The following TAF15 variants were observed in gnomAD, a reference collection of about 807,000 sequenced individuals.
The protein encoded by TAF15 is TATA-binding protein-associated factor 2N.
A neutral mutation model predicts 102.5 loss-of-function variants in TAF15; 37 were observed. The ratio of observed to expected loss-of-function variants is 0.36; its 90% CI spans 0.28 to 0.47. The LOEUF is 0.47. Ranked by LOEUF, TAF15 falls within the 20% of genes least tolerant of loss-of-function variation. The pLI, the probability that TAF15 is intolerant of heterozygous loss-of-function variation, is 0.99. For missense variants in TAF15, 652 were observed against 760.7 expected (o/e 0.86, Z 1.68); for synonymous variants, 273 against 259.2 (o/e 1.05, Z -0.51).
At chr17:35,836,374 T>C (rs1378906993) in intron 10 of TAF15, 133 bp downstream of exon 10, 19 of 653,860 alleles carry the variant, frequency 2.9e-5, no homozygotes. Flanking sequence ...CTCGTTTATG[T>C]CTGTAGACGT....
At chr17:35,815,908 G>C (rs1216786718) in intron 1 of TAF15, among the ~76,000 whole-genome samples, 1 of 152,100 alleles carries the variant, frequency 6.6e-6, no homozygotes, top group Non-Finnish European at 1.5e-5. Flanking sequence ...ATTTCAGCTA[G>C]TTTTATGCCC....
chr17:35,838,691 A>G, intron 11 of TAF15, 138 bp downstream of exon 11: 2 of 1,283,208 alleles, frequency 1.6e-6, no homozygotes, highest in South Asian at 2.5e-5. Flanking sequence ...CAGAATTTTT[A>G]TGTACCTTTA....
chr17:35,828,253 T>A (rs541880865), intron 7 of TAF15, among the ~76,000 whole-genome samples: 116 of 152,322 alleles, frequency 7.6e-4, no homozygotes, highest in Middle Eastern at 3.4e-3. Context: ...TAAAAATATG[T>A]ATACGTTCTG....
chr17:35,812,865 T>C (rs150143894), intron 1 of TAF15, among the ~76,000 whole-genome samples: 34 of 152,134 alleles, frequency 2.2e-4, no homozygotes, highest in Middle Eastern at 3.4e-3. Flanking sequence ...CGGTGGCTCA[T>C]GCCTGTAATC....
chr17:35,842,323 G>A (rs909853731), intron 11 of TAF15, 44 bp from the exon 12 acceptor site: 9 of 1,435,036 alleles, frequency 6.3e-6, no homozygotes, highest in Non-Finnish European at 8.8e-6. Flanking sequence ...GACAGGTGGA[G>A]GTATAGAGTA....
intron 1 of TAF15, among the ~76,000 whole-genome samples, chr17:35,815,602 C>T (rs1264245415): frequency 6.6e-6 from 1 of 152,194 alleles, no homozygotes; most frequent in East Asian, 1.9e-4. Flanking sequence ...AGAAAATATG[C>T]TGCGATTATG....
intron 1 of TAF15, 77 bp from the exon 2 acceptor site, chr17:35,817,639 T>C: frequency 7.7e-7 from 1 of 1,299,052 alleles, no homozygotes. Flanking sequence ...ACCACATTTC[T>C]TCTGTATGAG....
At chr17:35,815,989 T>C (rs1426331315) in intron 1 of TAF15, among the ~76,000 whole-genome samples, 1 of 152,106 alleles carries the variant, frequency 6.6e-6, no homozygotes, top group Non-Finnish European at 1.5e-5. Flanking sequence ...TGAGACAGGG[T>C]CTCATTCTGT....
In TAF15 at chr17:35,838,563, A is replaced by G; in HGVS notation, c.913+10A>G. The G allele has an allele frequency of 1.2e-6, 2 of 1,613,992 alleles. No individual in the cohort carries two copies. The highest frequency in any genetic ancestry group is 1.7e-6 in the Non-Finnish European group (2 of 1,180,030). ...ATTGACTGGTTTGATGGTATGCCTC[A>G]TTCGTATAGTTTTCAGCATGAAGTT... is the stretch of plus-strand genomic sequence containing the variant. On this transcript the variant is annotated intron_variant, in intron 11 of 15. Coordinates refer to ENST00000605844, the MANE Select transcript of TAF15 (RefSeq NM_139215.3).
Position 35,838,462 on chromosome 17 carries a change from T to C in TAF15, c.822T>C (p.Tyr274=), listed in dbSNP as rs2087502314. ...KKTGKPMINL[Y]TDKDTGKPKG... ...CCGGAAAACCAATGATAAATCTTTA[T>C]ACAGACAAGGACACAGGAAAGCCAA... is the stretch of plus-strand genomic sequence containing the variant. Residue 274 remains tyrosine (Y), a synonymous_variant, in exon 11 of 16, where the codon TAT becomes TAC. Transcript: ENST00000605844. 6.2e-7 allele frequency: 1 copy of C among 1,614,210 alleles called. No individual in the cohort carries two copies. The highest frequency in any genetic ancestry group is 8.5e-7 in the Non-Finnish European group (1 of 1,180,040).
At chr17:35,824,255 T>A in intron 7 of TAF15, 57 bp downstream of exon 7, 3 of 1,562,870 alleles carry the variant, frequency 1.9e-6, no homozygotes, top group Middle Eastern at 1.8e-4. Flanking sequence ...TTTTTTTTTT[T>A]AAGGTGTTAC....
intron 7 of TAF15, among the ~76,000 whole-genome samples, chr17:35,832,275 A>G (rs1429711170): frequency 6.6e-6 from 1 of 152,204 alleles, no homozygotes; most frequent in African/African-American, 2.4e-5. Context: ...GGCAAACTGT[A>G]TAGGAAGGGC....
chr17:35,821,355 T>G (rs1275175553), intron 5 of TAF15, among the ~76,000 whole-genome samples: 1 of 152,220 alleles, frequency 6.6e-6, no homozygotes, highest in Non-Finnish European at 1.5e-5. Context: ...TGGTTAGTTT[T>G]AAATTTAAGG....
chr17:35,832,438 A>G (rs187074320), intron 7 of TAF15, among the ~76,000 whole-genome samples: 3 of 152,214 alleles, frequency 2.0e-5, no homozygotes, highest in African/African-American at 7.2e-5. Flanking sequence ...CCTCATAGTG[A>G]AATAGAATGG....
intron 5 of TAF15, among the ~76,000 whole-genome samples, chr17:35,822,070 G>A (rs537833858): frequency 4.0e-5 from 6 of 151,146 alleles, no homozygotes; most frequent in South Asian, 2.1e-4. Flanking sequence ...GGCCAGGCTC[G>A]GTGGCTCACA....
chr17:35,820,916 A>G (rs1478029061), intron 5 of TAF15, among the ~76,000 whole-genome samples: 1 of 152,164 alleles, frequency 6.6e-6, no homozygotes. Flanking sequence ...TTCAGGTTTT[A>G]TAAAGTTTTT....
rs144520577 is a variant in TAF15 at position 35,842,387 on chromosome 17, A to G, written c.934A>G (p.Ile312Val). ...WFDGKEFHGNIIKVSFATRRP... is the reference protein window; with the variant it reads ...WFDGKEFHGNVIKVSFATRRP... ...CTTAGGAAAAGAATTCCATGGCAAC[A>G]TCATTAAAGTGTCCTTTGCCACTAG... Residue 312 changes from isoleucine to valine, a missense_variant, in exon 12 of 16, where the codon ATC becomes GTC. Transcript: ENST00000605844. 116 of 1,613,934 alleles carry G rather than the reference A, an allele frequency of 7.2e-5. No individual in the cohort carries two copies. Among genetic ancestry groups the G allele is most frequent in the Non-Finnish European group, 8.9e-5 (105 of 1,179,934 alleles).
At position 35,824,207 on chromosome 17, in the gene TAF15, G is replaced by T; in HGVS notation, c.605+9G>T. The T allele has an allele frequency of 6.2e-7, 1 of 1,612,842 alleles. No homozygotes were observed. Among genetic ancestry groups the T allele is most frequent in the Non-Finnish European group, 8.5e-7 (1 of 1,179,584 alleles). On this transcript the variant is annotated intron_variant, in intron 7 of 15. Transcript: ENST00000605844. ...CCTATGACAGGATCAAGGTAAGTAT[G>T]TAGATAAAGATGCGTACATTTCTTC...
At chr17:35,840,562 C>T (rs896058440) in intron 11 of TAF15, among the ~76,000 whole-genome samples, 4 of 150,182 alleles carry the variant, frequency 2.7e-5, no homozygotes. Flanking sequence ...AGCTCTTTTA[C>T]TTCTTTAAAG....
Sources: gnomAD v4.1 joint callset for allele counts (sites outside exome capture counted in the v4.1 genomes callset) on GRCh38, gnomAD v4.1.1 for gene constraint, MANE v1.5 for transcripts, NCBI Gene and HGNC (gene_info 2026-07-23, HGNC 2026-07-21) for gene names.